Variants in UBN1 observed in about 807,000 individuals in gnomAD.
UBN1 encodes the protein ubinuclein 1.
UBN1 carries 17 observed loss-of-function variants against 108.5 expected under a neutral mutation model. The ratio of observed to expected loss-of-function variants is 0.16; its 90% CI spans 0.11 to 0.24. The LOEUF (loss-of-function observed/expected upper bound fraction) is 0.24. Ranked by LOEUF, UBN1 falls within the 10% of genes least tolerant of loss-of-function variation. UBN1 has a pLI of 1.00. For missense variants in UBN1, 1,595 were observed against 1,394.4 expected, an observed-to-expected ratio of 1.14 and a Z score of -2.29; for synonymous variants, 726 against 564.2, an observed-to-expected ratio of 1.29 and a Z score of -4.07.
chr16:4,872,983 C>A lies in UBN1; in HGVS notation c.1758-48C>A, dbSNP rs375125712. The A allele has an allele frequency of 2.5e-6, 4 of 1,614,164 alleles. No individual in the cohort carries two copies. In the East Asian group the frequency reaches 6.7e-5, roughly 27 times the overall value. The stretch of plus-strand genomic sequence containing the variant: ...TCTCGGGACAAGTGTTGTTTTTGGT[C>A]TCCTCTGGATATTCTCTAAACTTTT... On this transcript the variant is annotated intron_variant, in intron 13 of 17. Transcript: ENST00000262376.
At chr16:4,861,989 C>T (rs925916076) in intron 7 of UBN1, among the ~76,000 whole-genome samples, 2 of 152,210 alleles carry the variant, frequency 1.3e-5, no homozygotes, top group Admixed American at 6.5e-5. Context: ...GCAGCTCTTG[C>T]TGTTTTACTC....
chr16:4,877,777 C>A lies in UBN1; in HGVS notation c.3355+303C>A. 1 of 1,094,040 alleles carries A rather than the reference C, an allele frequency of 9.1e-7. No homozygotes were observed. Among genetic ancestry groups the A allele is most frequent in the African/African-American group, 1.7e-5 (1 of 58,346 alleles). The allele number at this position is 1,094,040 out of a possible 1,614,324, so 67.8% of individuals were successfully genotyped here. ...CGGTGGAGGAGTTCCTAACCCTCGG[C>A]TTGTTTTTTTCTCTTCAGTTTAAAA... On this transcript the variant is annotated intron_variant, in intron 17 of 17. Transcript: ENST00000262376. This position sits in a 1 kb window ranked among gnomAD's most constrained non-coding sequence, Gnocchi z 4.3.
At position 4,861,132 on chromosome 16, in the gene UBN1, C is replaced by T. The variant is rs115668372; in HGVS notation, c.1110+30C>T. 4.0e-4 allele frequency: 636 copies of T among 1,585,948 alleles called. 4 individuals are homozygous for T. The African/African-American group carries it at 7.8e-3, about 19-fold the overall frequency. Reference sequence around the variant, plus strand: ...GGTGGCACAGTGCGGCTGGGCTTTCCTGGAAGCAGTTTGGGCAGATTGCTG... The same window carrying T: ...GGTGGCACAGTGCGGCTGGGCTTTCTTGGAAGCAGTTTGGGCAGATTGCTG... On this transcript the variant is annotated intron_variant, in intron 7 of 17. Coordinates refer to ENST00000262376, the MANE Select transcript of UBN1 (RefSeq NM_001079514.3).
At chr16:4,861,654 A>G (rs2087069605) in intron 7 of UBN1, among the ~76,000 whole-genome samples, 1 of 152,200 alleles carries the variant, frequency 6.6e-6, no homozygotes, top group Non-Finnish European at 1.5e-5. Context: ...ATTAAAACCC[A>G]CCATCGGCAG....
At chr16:4,873,175 G>C (rs1173684949) in intron 14 of UBN1, 102 bp downstream of exon 14, 1 of 1,508,582 alleles carries the variant, frequency 6.6e-7, no homozygotes, top group African/African-American at 1.4e-5. Context: ...ATCTTTGCTC[G>C]TCTGGGGACA....
At chr16:4,872,531 C>T (rs1248131408) in intron 12 of UBN1, among the ~76,000 whole-genome samples, 3 of 152,178 alleles carry the variant, frequency 2.0e-5, no homozygotes, top group African/African-American at 4.8e-5. Flanking sequence ...TGCAATGGCA[C>T]GATCTCGGCT....
At chr16:4,866,536 A>G (rs1413715995) in intron 7 of UBN1, among the ~76,000 whole-genome samples, 1 of 152,226 alleles carries the variant, frequency 6.6e-6, no homozygotes, top group Non-Finnish European at 1.5e-5. Flanking sequence ...TTTTTAAGAC[A>G]GGGTCTTGCT....
intron 7 of UBN1, among the ~76,000 whole-genome samples, chr16:4,861,620 A>G (rs1434474494): frequency 1.3e-5 from 2 of 152,222 alleles, no homozygotes; most frequent in Non-Finnish European, 2.9e-5. Flanking sequence ...AAAGCAGCTT[A>G]ATTTTAAATG....
intron 11 of UBN1, 65 bp downstream of exon 11, chr16:4,871,037 T>C: frequency 6.2e-7 from 1 of 1,606,532 alleles, no homozygotes. Flanking sequence ...GCACGTCCCC[T>C]ATTGCTGACA....
At chr16:4,855,606 CAAAAAAAA>C (rs36072146) in intron 2 of UBN1, among the ~76,000 whole-genome samples, 5 of 80,244 alleles carry the variant, frequency 6.2e-5, no homozygotes, top group Non-Finnish European at 1.2e-4. Flanking sequence ...GACCCTGTGT[CAAAAAAAA>C]AAAAAAAAAA....
intron 15 of UBN1, among the ~76,000 whole-genome samples, chr16:4,875,990 G>A (rs1200806458): frequency 7.1e-6 from 1 of 141,064 alleles, no homozygotes; most frequent in Non-Finnish European, 1.5e-5. Flanking sequence ...ACGAAGTCTT[G>A]CTCTTTCACC....
chr16:4,848,912 C>A (rs2086365158), intron 1 of UBN1, among the ~76,000 whole-genome samples: 1 of 152,070 alleles, frequency 6.6e-6, no homozygotes, highest in Non-Finnish European at 1.5e-5. Flanking sequence ...ACCAGCCTGG[C>A]CAACACGGTC....
chr16:4,855,260 G>T (rs894514351), intron 2 of UBN1, among the ~76,000 whole-genome samples: 2 of 152,148 alleles, frequency 1.3e-5, no homozygotes, highest in African/African-American at 4.8e-5. Context: ...ATTCACAGGT[G>T]TGCTGTTCGG....
At chr16:4,865,257 T>C (rs528507908) in intron 7 of UBN1, among the ~76,000 whole-genome samples, 6 of 152,308 alleles carry the variant, frequency 3.9e-5, no homozygotes, top group South Asian at 2.1e-4. Flanking sequence ...CTCAGAGATA[T>C]TGTCTATGCA....
intron 14 of UBN1, 94 bp downstream of exon 14, chr16:4,873,167 C>CT: frequency 4.5e-6 from 7 of 1,548,670 alleles, no homozygotes; most frequent in Non-Finnish European, 6.2e-6. Context: ...GCTCATTGAT[C>CT]TTTGCTCGTC....
In UBN1 at chr16:4,852,911, G is replaced by A; in HGVS notation, c.-7G>A. Reference sequence around the variant, plus strand: ...GCAGTGACACCCGCTAAGACTTGTTGGTAGCCATGTCGGAGCCCCACAGGG... The same window carrying A: ...GCAGTGACACCCGCTAAGACTTGTTAGTAGCCATGTCGGAGCCCCACAGGG... On this transcript the variant is annotated 5_prime_UTR_variant, in exon 2 of 18. Coordinates refer to ENST00000262376, the MANE Select transcript of UBN1 (RefSeq NM_001079514.3). 2.5e-6 allele frequency: 4 copies of A among 1,612,046 alleles called. No individual in the cohort carries two copies. Among genetic ancestry groups the A allele is most frequent in the Non-Finnish European group, 3.4e-6 (4 of 1,178,458 alleles).
At chr16:4,861,286 C>G (rs1302684801) in intron 7 of UBN1, among the ~76,000 whole-genome samples, 184 bp downstream of exon 7, 1 of 152,216 alleles carries the variant, frequency 6.6e-6, no homozygotes, top group Non-Finnish European at 1.5e-5. Flanking sequence ...CGTCAGGCAT[C>G]ATTTTAGGCC....
chr16:4,854,065 A>T (rs1242714380), intron 2 of UBN1, among the ~76,000 whole-genome samples: 3 of 151,044 alleles, frequency 2.0e-5, no homozygotes. Flanking sequence ...GCAGAGTCTT[A>T]CTCTGTCGCC....
intron 7 of UBN1, among the ~76,000 whole-genome samples, chr16:4,868,230 C>A (rs893223475): frequency 6.6e-6 from 1 of 152,166 alleles, no homozygotes; most frequent in Non-Finnish European, 1.5e-5. Context: ...TAACTGTGTT[C>A]TTTTCGAAAG....
Sources: allele counts gnomAD v4.1 joint callset (sites outside exome capture counted in the v4.1 genomes callset), GRCh38; gene constraint gnomAD v4.1.1; non-coding constraint Gnocchi (gnomAD v3.1); transcripts MANE v1.5; gene names NCBI Gene and HGNC (gene_info 2026-07-23, HGNC 2026-07-21).